The following DNAJC6 variants were observed in gnomAD, a reference collection of about 807,000 sequenced individuals.
DNAJC6 encodes auxilin.
A neutral mutation model predicts 110.0 loss-of-function variants in DNAJC6; 34 were observed. That is an observed-to-expected ratio of 0.31 (90% CI 0.24 to 0.41). The LOEUF is 0.41. Ranked by LOEUF, DNAJC6 falls within the 10% of genes least tolerant of loss-of-function variation. The pLI is 1.00. For missense variants in DNAJC6, 1,031 were observed against 1,207.8 expected (o/e 0.85, Z 2.17); for synonymous variants, 406 against 437.2 (o/e 0.93, Z 0.89).
rs796797174 is a variant in DNAJC6, at chr1:65,380,916, G to GTTTT, written c.666+1393_666+1396dup. The stretch of plus-strand genomic sequence containing the variant: ...TTTTTTTTTTTTTGTTTTTTGTTTT[G>GTTTT]TTTTGTTTTTTTTTTTTTTTTGGGA... On this transcript the variant is annotated intron_variant, in intron 5 of 18. Coordinates refer to ENST00000371069, the MANE Select transcript of DNAJC6 (RefSeq NM_001256864.2). Among the ~76,000 whole-genome samples the GTTTT allele has an allele frequency of 7.6e-4, 71 of 93,464 alleles. 5 individuals carry two copies. The highest frequency in any genetic ancestry group is 2.7e-3 in the African/African-American group (41 of 15,010). The allele number at this position is 93,464 out of a possible 152,430, so 61.3% of individuals were successfully genotyped here.
At position 65,406,149 on chromosome 1, in the gene DNAJC6, T is replaced by C. The variant is rs754957406; in HGVS notation, c.2491+16T>C. 6 of 1,607,072 alleles carry C rather than the reference T, an allele frequency of 3.7e-6. No homozygotes were observed. The South Asian group carries it at 6.7e-5, about 18-fold the overall frequency. On this transcript the variant is annotated intron_variant, in intron 16 of 18. Coordinates refer to ENST00000371069, the MANE Select transcript of DNAJC6 (RefSeq NM_001256864.2). Reference sequence around the variant, plus strand: ...AGTAATTTGGGTAAGGATAATGGTATGGGACCTAGCTATGGGGCAGCCTGT... The same window carrying C: ...AGTAATTTGGGTAAGGATAATGGTACGGGACCTAGCTATGGGGCAGCCTGT...
intron 12 of DNAJC6, 109 bp downstream of exon 12, chr1:65,392,974 T>G: frequency 2.8e-6 from 3 of 1,068,372 alleles, no homozygotes; most frequent in Non-Finnish European, 3.8e-6. Context: ...GATTTCACTG[T>G]AAGTCCTTTA....
At chr1:65,292,062 G>C (rs1644881622) in intron 1 of DNAJC6, among the ~76,000 whole-genome samples, 1 of 152,026 alleles carries the variant, frequency 6.6e-6, no homozygotes, top group African/African-American at 2.4e-5. Flanking sequence ...TGTTGCCCAG[G>C]CTGGAGTACA....
chr1:65,310,353 G>C (rs1645088089), intron 1 of DNAJC6, among the ~76,000 whole-genome samples: 2 of 152,200 alleles, frequency 1.3e-5, no homozygotes, highest in South Asian at 4.1e-4. Flanking sequence ...CATGTGCGTT[G>C]ATTGTTTTTG....
At chr1:65,411,884 T>C (rs1239612820) in intron 18 of DNAJC6, among the ~76,000 whole-genome samples, 1 of 152,020 alleles carries the variant, frequency 6.6e-6, no homozygotes, top group Non-Finnish European at 1.5e-5. Flanking sequence ...GGTAGGAGGA[T>C]CACTTGAGCC....
chr1:65,317,413 A>G (rs1645158205), intron 1 of DNAJC6, among the ~76,000 whole-genome samples: 1 of 152,214 alleles, frequency 6.6e-6, no homozygotes, highest in Non-Finnish European at 1.5e-5. Context: ...AATTTCTACT[A>G]CCTTTAGTTG....
chr1:65,397,776 A>C (rs1645993524), intron 13 of DNAJC6, among the ~76,000 whole-genome samples: 1 of 152,226 alleles, frequency 6.6e-6, no homozygotes, highest in African/African-American at 2.4e-5. Flanking sequence ...AATAGAAAAG[A>C]AAGAATTATT....
chr1:65,274,508 G>A (rs1032413370), intron 1 of DNAJC6, among the ~76,000 whole-genome samples: 1 of 152,094 alleles, frequency 6.6e-6, no homozygotes, highest in African/African-American at 2.4e-5. Flanking sequence ...GTAGAGACAG[G>A]GTTTTGCCAT....
chr1:65,368,123 G>A (rs1228707090), intron 4 of DNAJC6, among the ~76,000 whole-genome samples: 3 of 152,104 alleles, frequency 2.0e-5, no homozygotes, highest in Non-Finnish European at 4.4e-5. Context: ...CCTAGTTGGC[G>A]AGAGAACCCA....
At position 65,380,916 on chromosome 1, in the gene DNAJC6, G is replaced by GTTTTTTTTTTTTTT. The variant is rs796797174; in HGVS notation, c.666+1396_666+1397insTTTTTTTTTTTTTT. Among the ~76,000 whole-genome samples the GTTTTTTTTTTTTTT allele has an allele frequency of 1.4e-3, 131 of 93,504 alleles. 4 individuals are homozygous for GTTTTTTTTTTTTTT. Among genetic ancestry groups the GTTTTTTTTTTTTTT allele is most frequent in the African/African-American group, 2.5e-3 (37 of 15,046 alleles). The allele number at this position is 93,504 out of a possible 152,430, so 61.3% of individuals were successfully genotyped here. The stretch of plus-strand genomic sequence containing the variant: ...TTTTTTTTTTTTTGTTTTTTGTTTT[G>GTTTTTTTTTTTTTT]TTTTGTTTTTTTTTTTTTTTTGGGA... On this transcript the variant is annotated intron_variant, in intron 5 of 18. Coordinates refer to ENST00000371069, the MANE Select transcript of DNAJC6 (RefSeq NM_001256864.2).
intron 1 of DNAJC6, among the ~76,000 whole-genome samples, chr1:65,316,259 T>G (rs1310378667): frequency 6.6e-6 from 1 of 152,172 alleles, no homozygotes; most frequent in Non-Finnish European, 1.5e-5. Context: ...ACCTCCATCT[T>G]TATGTTTTTG....
At chr1:65,353,679 G>A (rs1194832849) in intron 1 of DNAJC6, among the ~76,000 whole-genome samples, 1 of 151,920 alleles carries the variant, frequency 6.6e-6, no homozygotes, top group Non-Finnish European at 1.5e-5. Flanking sequence ...TCATGTTGTC[G>A]ATCCTTTTGG....
intron 1 of DNAJC6, among the ~76,000 whole-genome samples, chr1:65,344,222 G>T (rs1453844948): frequency 6.6e-6 from 1 of 152,166 alleles, no homozygotes; most frequent in Admixed American, 6.5e-5. Flanking sequence ...CCCTCCAGGG[G>T]TCCTTACAAT....
chr1:65,325,918 C>T (rs1185763900), intron 1 of DNAJC6, among the ~76,000 whole-genome samples: 1 of 152,190 alleles, frequency 6.6e-6, no homozygotes, highest in African/African-American at 2.4e-5. Flanking sequence ...TATATCAAAA[C>T]ATATCTAAAT....
intron 1 of DNAJC6, among the ~76,000 whole-genome samples, chr1:65,301,051 C>T (rs1644973720): frequency 6.6e-6 from 1 of 152,188 alleles, no homozygotes; most frequent in Non-Finnish European, 1.5e-5. Flanking sequence ...TGTTGGTTTG[C>T]AGCTGACTTT....
Position 65,316,194 on chromosome 1 carries a change from G to A in DNAJC6, c.193+6256G>A, listed in dbSNP as rs548782203. Among the ~76,000 whole-genome samples, 9 of 152,250 alleles carry A rather than the reference G, an allele frequency of 5.9e-5. No homozygotes were observed. The South Asian group carries it at 8.3e-4, about 14-fold the overall frequency. On this transcript the variant is annotated intron_variant, in intron 1 of 18. Transcript: ENST00000371069. ...GAAGCCCTTTGTGGCACCTGTGAAA[G>A]CTGGCCCAACAAAACTTGTTGTCGC...
At chr1:65,387,024 A>G in intron 8 of DNAJC6, 95 bp downstream of exon 8, 1 of 1,042,714 alleles carries the variant, frequency 9.6e-7, no homozygotes, top group Middle Eastern at 2.1e-4. Flanking sequence ...GGCTTGAGTC[A>G]CTTGTAGTTT....
chr1:65,342,977 A>C (rs965744404), intron 1 of DNAJC6, among the ~76,000 whole-genome samples: 4 of 152,160 alleles, frequency 2.6e-5, no homozygotes, highest in Non-Finnish European at 5.9e-5. Context: ...CTTTCAACAA[A>C]AGCATCCCCT....
chr1:65,411,545 A>G (rs1434915744), intron 18 of DNAJC6, 119 bp downstream of exon 18: 16 of 917,912 alleles, frequency 1.7e-5, no homozygotes, highest in East Asian at 2.7e-5. Flanking sequence ...AATTAAGTCA[A>G]TGAGCTAAAA....
Sources: allele counts gnomAD v4.1 joint callset (sites outside exome capture counted in the v4.1 genomes callset), GRCh38; gene constraint gnomAD v4.1.1; transcripts MANE v1.5; gene names NCBI Gene and HGNC (gene_info 2026-07-23, HGNC 2026-07-21).